The following SVEP1 variants were observed in gnomAD, a reference collection of about 807,000 sequenced individuals.
SVEP1 encodes sushi, von Willebrand factor type A, EGF and pentraxin domain-containing protein 1.
In SVEP1, 164 loss-of-function variants were observed where a neutral mutation model predicts 367.3. The observed-to-expected ratio is 0.45, with a 90% confidence interval of 0.39 to 0.51. The LOEUF (loss-of-function observed/expected upper bound fraction) is 0.51. SVEP1 is among the 20% of genes least tolerant of loss of function. The pLI is 0.00. For synonymous variants in SVEP1, 1,666 were observed against 1,611.6 expected, an observed-to-expected ratio of 1.03 and a Z score of -0.81; for missense variants, 4,117 against 4,425.3, an observed-to-expected ratio of 0.93 and a Z score of 1.98.
At chr9:110,542,229 C>G (rs1425179936) in intron 3 of SVEP1, among the ~76,000 whole-genome samples, 1 of 152,006 alleles carries the variant, frequency 6.6e-6, no homozygotes, top group African/African-American at 2.4e-5. Context: ...TAATATAGGA[C>G]TTAGAGAAAA....
chr9:110,520,595 A>G (rs1829864027), intron 3 of SVEP1, among the ~76,000 whole-genome samples: 1 of 152,246 alleles, frequency 6.6e-6, no homozygotes, highest in Non-Finnish European at 1.5e-5. Context: ...TGAAGTAAAT[A>G]AAAACACCAA....
intron 9 of SVEP1, among the ~76,000 whole-genome samples, chr9:110,488,199 C>A (rs1588077415): frequency 6.6e-6 from 1 of 152,152 alleles, no homozygotes; most frequent in Non-Finnish European, 1.5e-5. Context: ...TGGCTGTGTC[C>A]TTTTCTGAGC....
intron 1 of SVEP1, among the ~76,000 whole-genome samples, chr9:110,563,823 C>T (rs1830458091): frequency 1.3e-5 from 2 of 152,164 alleles, no homozygotes; most frequent in African/African-American, 4.8e-5. Flanking sequence ...CTTCTTCATT[C>T]TCTCTTCCTT....
rs770296113 is a variant in SVEP1 at position 110,450,087 on chromosome 9, T to C, written c.4075A>G (p.Thr1359Ala). The C allele has an allele frequency of 6.2e-7, 1 of 1,613,904 alleles. No individual in the cohort carries two copies. Among genetic ancestry groups the C allele is most frequent in the East Asian group, 2.2e-5 (1 of 44,884 alleles). The change falls in exon 24 of 48, where the codon ACC becomes GCC. Residue 1359 changes from threonine to alanine, a missense_variant. Physicochemically the swap from Thr to Ala is moderately conservative, Grantham distance 58. Around this residue, in one of 4 missense-constraint regions of SVEP1, gnomAD observed 2,174 missense variants for 2,494.3 expected, o/e 0.87. Coordinates refer to ENST00000374469, the MANE Select transcript of SVEP1 (RefSeq NM_153366.4). ...CLSQPCKNGA[T>A]CKDGANSFRC... ...AAGCTATTGGCACCGTCTTTACAGG[T>C]AGCTCCATTTTTGCATGGCTGACTG... is the stretch of plus-strand genomic sequence containing the variant.
At chr9:110,447,559 T>C (rs1241498793) in intron 24 of SVEP1, among the ~76,000 whole-genome samples, 1 of 152,230 alleles carries the variant, frequency 6.6e-6, no homozygotes, top group Non-Finnish European at 1.5e-5. Flanking sequence ...TGCTATATAG[T>C]TTCTGTGCTA....
In SVEP1 at chr9:110,401,141, CT is replaced by C. The variant is rs1185070662; in HGVS notation, c.9667-133del. On this transcript the variant is annotated intron_variant, in intron 39 of 47. Transcript: ENST00000374469. The stretch of plus-strand genomic sequence containing the variant: ...CAAAAGCACCCAGGGTTTGGTCCTA[CT>C]TTTGCTACTTATTATATGTGGGCTT... 6.7e-6 allele frequency: 7 copies of C among 1,041,226 alleles called. No individual in the cohort carries two copies. The Admixed American group carries it at 1.4e-4, about 21-fold the overall frequency. The allele number at this position is 1,041,226 out of a possible 1,614,324, so 64.5% of individuals were successfully genotyped here.
intron 3 of SVEP1, among the ~76,000 whole-genome samples, chr9:110,516,772 A>G (rs1013898932): frequency 2.0e-5 from 3 of 152,210 alleles, no homozygotes; most frequent in Admixed American, 6.5e-5. Flanking sequence ...AATTGAGTAG[A>G]AGTAATGGTT....
At chr9:110,389,038 AAAGTTATGTGCATT>A (rs1827573002) in intron 41 of SVEP1, among the ~76,000 whole-genome samples, 1 of 152,208 alleles carries the variant, frequency 6.6e-6, no homozygotes, top group African/African-American at 2.4e-5. Flanking sequence ...TACTGGGGAT[AAAGTTATGTGCATT>A]AACCCACATT....
intron 44 of SVEP1, 90 bp downstream of exon 44, chr9:110,379,257 A>G: frequency 1.5e-6 from 2 of 1,354,278 alleles, no homozygotes; most frequent in Non-Finnish European, 2.0e-6. Context: ...AAAATAAAGT[A>G]GTATGCATAT....
At chr9:110,481,561 A>C in intron 11 of SVEP1, 125 bp from the exon 12 acceptor site, 1 of 628,334 alleles carries the variant, frequency 1.6e-6, no homozygotes, top group Non-Finnish European at 2.4e-6. Flanking sequence ...AAAAGCTTTT[A>C]CCATATGTCT....
At chr9:110,476,025 C>A in intron 14 of SVEP1, 179 bp downstream of exon 14, 1 of 469,448 alleles carries the variant, frequency 2.1e-6, no homozygotes, top group Non-Finnish European at 3.7e-6. Context: ...TTATTTGTTA[C>A]TAAAATTTGA....
intron 45 of SVEP1, 27 bp from the exon 46 acceptor site, chr9:110,375,490 A>AAAAAAAT: frequency 4.5e-6 from 6 of 1,338,822 alleles, no homozygotes; most frequent in Middle Eastern, 2.2e-4. Flanking sequence ...AAAAAAAAAA[A>AAAAAAAT]GGAGGCAGGG....
chr9:110,510,444 G>A (rs898522066), intron 5 of SVEP1, among the ~76,000 whole-genome samples: 1 of 152,190 alleles, frequency 6.6e-6, no homozygotes, highest in South Asian at 2.1e-4. Flanking sequence ...ACATAATGAG[G>A]GGTGGGGGCA....
chr9:110,465,693 G>A (rs1219594805), intron 18 of SVEP1, among the ~76,000 whole-genome samples, 172 bp downstream of exon 18: 1 of 152,152 alleles, frequency 6.6e-6, no homozygotes, highest in Non-Finnish European at 1.5e-5. Context: ...ATACCTAAGT[G>A]TTAACTGGCT....
intron 38 of SVEP1, among the ~76,000 whole-genome samples, chr9:110,405,651 T>C (rs1827942513): frequency 1.3e-5 from 2 of 152,210 alleles, no homozygotes; most frequent in South Asian, 4.1e-4. Context: ...GCATAATTCA[T>C]ATGTATTATG....
At chr9:110,434,843 T>C (rs552189488) in intron 29 of SVEP1, among the ~76,000 whole-genome samples, 22 of 152,118 alleles carry the variant, frequency 1.4e-4, no homozygotes, top group Non-Finnish European at 2.8e-4. Context: ...TCAGTTTTAG[T>C]GTGCAGATTG....
At chr9:110,445,114 G>A (rs1564144695) in intron 26 of SVEP1, among the ~76,000 whole-genome samples, 1 of 152,170 alleles carries the variant, frequency 6.6e-6, no homozygotes, top group Non-Finnish European at 1.5e-5. Context: ...TGAACCTGAA[G>A]TTTTGCCAAG....
chr9:110,530,608 C>T (rs1179938858), intron 3 of SVEP1, among the ~76,000 whole-genome samples: 5 of 152,122 alleles, frequency 3.3e-5, no homozygotes, highest in African/African-American at 1.2e-4. Flanking sequence ...ATGGTCTTGG[C>T]TGGCTACAAC....
rs1242193761 is a variant in SVEP1 at position 110,387,564 on chromosome 9, G to A, written c.9887-106C>T. The A allele has an allele frequency of 4.8e-6, 6 of 1,240,252 alleles. No individual in the cohort carries two copies. In the East Asian group the frequency reaches 1.5e-4, roughly 32 times the overall value. The allele number at this position is 1,240,252 out of a possible 1,614,324, so 76.8% of individuals were successfully genotyped here. On this transcript the variant is annotated intron_variant, in intron 41 of 47. Transcript: ENST00000374469. ...TTCATGGAATATATAAAATATTATG[G>A]CCTACTCATGTGTGAAGCACAGTGA...
Sources: allele counts gnomAD v4.1 joint callset (sites outside exome capture counted in the v4.1 genomes callset), GRCh38; gene constraint gnomAD v4.1.1; regional missense constraint gnomAD v4.1.1; transcripts MANE v1.5; gene names NCBI Gene and HGNC (gene_info 2026-07-23, HGNC 2026-07-21).